The following CEP112 variants were observed in gnomAD, a reference collection of about 807,000 sequenced individuals.
The protein encoded by CEP112 is centrosomal protein of 112 kDa.
CEP112 carries 127 observed loss-of-function variants against 153.0 expected under a neutral mutation model. The observed-to-expected ratio is 0.83, with a 90% CI of 0.72 to 0.96. The LOEUF (loss-of-function observed/expected upper bound fraction) is 0.96. Among genes scored for constraint, CEP112 ranks in the 40% least tolerant of loss-of-function variants. CEP112 has a pLI of 0.00. For missense variants in CEP112, 1,089 were observed against 1,101.2 expected (o/e 0.99, Z 0.16); for synonymous variants, 358 against 374.4 (o/e 0.96, Z 0.51).
intron 22 of CEP112, among the ~76,000 whole-genome samples, chr17:65,746,941 T>C (rs957748695): frequency 1.3e-5 from 2 of 152,134 alleles, no homozygotes; most frequent in African/African-American, 4.8e-5. Flanking sequence ...AAATTAGTAT[T>C]TTCAGAAACA....
intron 21 of CEP112, among the ~76,000 whole-genome samples, chr17:65,838,935 A>G (rs2057417590): frequency 6.6e-6 from 1 of 152,160 alleles, no homozygotes; most frequent in African/African-American, 2.4e-5. Flanking sequence ...GGCACATGCA[A>G]CATACCAAAA....
chr17:65,681,519 GTCC>G (rs2047522778), intron 24 of CEP112, among the ~76,000 whole-genome samples: 1 of 149,906 alleles, frequency 6.7e-6, no homozygotes. Flanking sequence ...CCAAATGAAT[GTCC>G]TCCTGCTAGC....
At chr17:65,799,722 T>C (rs2055148424) in intron 21 of CEP112, among the ~76,000 whole-genome samples, 1 of 152,190 alleles carries the variant, frequency 6.6e-6, no homozygotes, top group Non-Finnish European at 1.5e-5. Flanking sequence ...AAAGCCACAT[T>C]GACGCAAGTC....
At chr17:66,129,703 T>C in intron 6 of CEP112, 43 bp downstream of exon 6, 9 of 1,317,322 alleles carry the variant, frequency 6.8e-6, no homozygotes, top group Non-Finnish European at 9.7e-6. Context: ...ACAATATGAT[T>C]TTGACACATC....
rs145064646 is a variant in CEP112, at chr17:65,796,174, T to C, written c.2395-45450A>G. 1.7e-4 allele frequency among the ~76,000 whole-genome samples: 26 copies of C among 152,314 alleles called. 1 individual carries two copies. The highest frequency in any genetic ancestry group is 6.3e-4 in the African/African-American group (26 of 41,580). ...ATGATGAATTCTGCTTTCCCCTTGA[T>C]TACATGAGCCCTGTGTACCTCTAAT... On this transcript the variant is annotated intron_variant, in intron 21 of 26. Coordinates refer to ENST00000535342, the MANE Select transcript of CEP112 (RefSeq NM_001199165.4).
intron 21 of CEP112, among the ~76,000 whole-genome samples, chr17:65,821,677 G>C (rs1450518607): frequency 6.7e-6 from 1 of 148,168 alleles, no homozygotes; most frequent in Non-Finnish European, 1.5e-5. Flanking sequence ...TCAGCCTCCT[G>C]AGTAGCTGGG....
In CEP112 at chr17:66,083,744, G is replaced by A. The variant is rs567898898; in HGVS notation, c.768+12507C>T. Among the ~76,000 whole-genome samples, 402 of 152,170 alleles carry A rather than the reference G, an allele frequency of 2.6e-3. 2 individuals carry two copies. Among genetic ancestry groups the A allele is most frequent in the African/African-American group, 9.2e-3 (383 of 41,488 alleles). ...TGAGTGCCTGTAGTTCCAGCTACTC[G>A]GGAGGCTGAGGCAGGAGAATTGCTC... On this transcript the variant is annotated intron_variant, in intron 8 of 26. Transcript: ENST00000535342.
chr17:66,097,037 C>G (rs146091961), intron 6 of CEP112, among the ~76,000 whole-genome samples: 1 of 152,128 alleles, frequency 6.6e-6, no homozygotes, highest in Non-Finnish European at 1.5e-5. Context: ...TTCTTACAGT[C>G]GCAATTTAAT....
chr17:65,846,090 A>G (rs897345353), intron 21 of CEP112, among the ~76,000 whole-genome samples: 1 of 152,186 alleles, frequency 6.6e-6, no homozygotes, highest in African/African-American at 2.4e-5. Flanking sequence ...TTTATACTCA[A>G]TGATAGAAAA....
intron 21 of CEP112, among the ~76,000 whole-genome samples, chr17:65,818,816 T>C (rs1018989445): frequency 5.3e-5 from 8 of 151,916 alleles, no homozygotes. Flanking sequence ...AACAATACAG[T>C]TTGTGACTTC....
intron 23 of CEP112, among the ~76,000 whole-genome samples, chr17:65,691,144 T>A (rs1164340518): frequency 6.6e-6 from 1 of 152,010 alleles, no homozygotes; most frequent in East Asian, 1.9e-4. Flanking sequence ...GCAGTTGGCA[T>A]TCACAGAGAC....
At chr17:65,732,160 G>C (rs755502773) in intron 23 of CEP112, among the ~76,000 whole-genome samples, 3 of 152,212 alleles carry the variant, frequency 2.0e-5, no homozygotes, top group Non-Finnish European at 2.9e-5. Context: ...ATGACTCCTG[G>C]ATTAATGAGC....
At chr17:65,970,129 T>G (rs186204734) in intron 17 of CEP112, among the ~76,000 whole-genome samples, 3 of 152,348 alleles carry the variant, frequency 2.0e-5, no homozygotes, top group Admixed American at 2.0e-4. Flanking sequence ...CGCATGTATA[T>G]TGCATTTATG....
At chr17:66,022,860 C>T (rs2873906) in intron 16 of CEP112, among the ~76,000 whole-genome samples, 140,785 of 151,986 alleles carry the variant, frequency 0.93, 65,435 homozygotes, top group East Asian at 0.97. Flanking sequence ...GCCAATGAGA[C>T]AGATATCTTA....
intron 11 of CEP112, among the ~76,000 whole-genome samples, chr17:66,058,781 G>A (rs889690102): frequency 2.0e-5 from 3 of 152,182 alleles, no homozygotes; most frequent in Non-Finnish European, 4.4e-5. Context: ...GAGCCCAGGA[G>A]CTCAAGGCTG....
intron 16 of CEP112, among the ~76,000 whole-genome samples, chr17:66,022,345 G>T (rs1005539007): frequency 2.6e-5 from 4 of 152,098 alleles, no homozygotes; most frequent in Non-Finnish European, 4.4e-5. Flanking sequence ...AAAAAGCAGG[G>T]TAGTATAGCA....
At chr17:65,842,792 A>G (rs2057570202) in intron 21 of CEP112, among the ~76,000 whole-genome samples, 1 of 152,180 alleles carries the variant, frequency 6.6e-6, no homozygotes, top group Admixed American at 6.5e-5. Context: ...GAGATACATA[A>G]ATACATTTAA....
At chr17:65,773,840 T>C (rs1210907731) in intron 21 of CEP112, among the ~76,000 whole-genome samples, 12 of 152,142 alleles carry the variant, frequency 7.9e-5, no homozygotes, top group Admixed American at 7.9e-4. Context: ...ATCCCAGTGC[T>C]TTGGGAGGAC....
At chr17:65,888,744 G>A (rs1233311258) in intron 20 of CEP112, among the ~76,000 whole-genome samples, 2 of 152,070 alleles carry the variant, frequency 1.3e-5, no homozygotes, top group Admixed American at 6.5e-5. Flanking sequence ...GACAGATTCC[G>A]GGCACAGTAA....
Sources: gnomAD v4.1 joint callset for allele counts (sites outside exome capture counted in the v4.1 genomes callset) on GRCh38, gnomAD v4.1.1 for gene constraint, MANE v1.5 for transcripts, NCBI Gene and HGNC (gene_info 2026-07-23, HGNC 2026-07-21) for gene names.